Variants in UGDH observed in about 807,000 individuals in gnomAD.
The protein encoded by UGDH is UDP-glucose 6-dehydrogenase, also known as UDP-Glc dehydrogenase.
UGDH carries 38 observed loss-of-function variants against 50.6 expected under a neutral mutation model. The observed-to-expected ratio is 0.75, with a 90% CI of 0.58 to 0.98. UGDH has a LOEUF of 0.98. Among genes scored for constraint, UGDH ranks in the 50% least tolerant of loss-of-function variants. The pLI is 0.00. For missense variants in UGDH, 465 were observed against 606.2 expected (o/e 0.77, Z 2.45); for synonymous variants, 168 against 199.9 (o/e 0.84, Z 1.35).
chr4:39,502,695 A>G (rs879541883), intron 11 of UGDH, among the ~76,000 whole-genome samples: 8 of 152,098 alleles, frequency 5.3e-5, no homozygotes, highest in Non-Finnish European at 1.5e-5. Context: ...CTACAAAAAC[A>G]CTGTTCTGGG....
In UGDH at chr4:39,510,819, C is replaced by T; in HGVS notation, c.307G>A (p.Ala103Thr). Reference protein sequence around the residue: ...TKTYGMGKGRAADLKYIEACA... With the variant: ...TKTYGMGKGRTADLKYIEACA... The stretch of plus-strand genomic sequence containing the variant: ...GCTTCAATATACTTCAGATCTGCTG[C>T]CCGGCCTTTCCCCATTCCATAGGTT... The change falls in exon 4 of 12, where the codon GCA (alanine) becomes ACA (threonine). Residue 103 changes from alanine (A) to threonine (T), a missense_variant. Coordinates refer to ENST00000316423, the MANE Select transcript of UGDH (RefSeq NM_003359.4). The T allele has an allele frequency of 6.2e-7, 1 of 1,614,180 alleles. No homozygotes were observed. Among genetic ancestry groups the T allele is most frequent in the African/African-American group, 1.3e-5 (1 of 75,044 alleles).
chr4:39,503,084 T>A (rs879398499), intron 11 of UGDH, among the ~76,000 whole-genome samples: 1 of 152,092 alleles, frequency 6.6e-6, no homozygotes, highest in Non-Finnish European at 1.5e-5. Flanking sequence ...ACCCAGCTAA[T>A]TTTTGTATTT....
At position 39,523,819 on chromosome 4, in the gene UGDH, A is replaced by AT. The variant is rs1289435735; in HGVS notation, c.-7-2301_-7-2300insA. Among the ~76,000 whole-genome samples the AT allele has an allele frequency of 3.9e-5, 6 of 152,090 alleles. No homozygotes were observed. The East Asian group carries it at 9.6e-4, about 24-fold the overall frequency. ...GAAACTCCATCTCAAAAAAAAAAAA[A>AT]AAAATTATTGATTCTGAATAATGTT... On this transcript the variant is annotated intron_variant, in intron 1 of 11. Coordinates refer to ENST00000316423, the MANE Select transcript of UGDH (RefSeq NM_003359.4).
rs1482143150 is a variant in UGDH at position 39,504,459 on chromosome 4, A to G, written c.1221T>C (p.Gly407=). 1 of 1,614,034 alleles carries G rather than the reference A, an allele frequency of 6.2e-7. No homozygotes were observed. The highest frequency in any genetic ancestry group is 8.5e-7 in the Non-Finnish European group (1 of 1,180,026). ...ISKDPYEACD[G]AHAVVICTEW... Reference sequence around the variant, plus strand: ...CAGTGCAAATAACAACAGCATGGGCACCATCACATGCTTCATATGGATCCT... The same window carrying G: ...CAGTGCAAATAACAACAGCATGGGCGCCATCACATGCTTCATATGGATCCT... The change falls in exon 10 of 12, where the codon GGT becomes GGC. Residue 407 remains glycine, a synonymous_variant. Transcript: ENST00000316423.
chr4:39,509,680 T>G, intron 6 of UGDH, 80 bp downstream of exon 6: 1 of 1,477,050 alleles, frequency 6.8e-7, no homozygotes, highest in Non-Finnish European at 9.1e-7. Flanking sequence ...ATGAGATATA[T>G]AAAGCGCTGG....
rs144498706 is a variant in UGDH, at chr4:39,503,664, T to C, written c.1374+211A>G. Among the ~76,000 whole-genome samples, 40 of 152,340 alleles carry C rather than the reference T, an allele frequency of 2.6e-4. 2 individuals are homozygous for C. The South Asian group carries it at 2.9e-3, about 11-fold the overall frequency. On this transcript the variant is annotated intron_variant, in intron 11 of 11. Transcript: ENST00000316423. ...ATGGGTTTAAAAAGCAAATGAGCAC[T>C]TTCCTAATTGTTGAAATAAACTTCT...
intron 7 of UGDH, among the ~76,000 whole-genome samples, chr4:39,506,051 C>T (rs542379802): frequency 4.2e-4 from 64 of 151,546 alleles, no homozygotes; most frequent in Non-Finnish European, 7.7e-4. Context: ...GGCACCACGG[C>T]GAGACCCTGT....
Position 39,510,677 on chromosome 4 carries a change from G to T in UGDH, c.449C>A (p.Pro150His). ...TTTTTATACCTGTAAATTCAAGTTGGGTTTTGTGTTTGCATCAAATATGCG... is the reference window on the plus strand; with the variant it reads ...TTTTTATACCTGTAAATTCAAGTTGTGTTTTGTGTTTGCATCAAATATGCG... ...IRRIFDANTK[P>H]NLNLQVLSNP... The change falls in exon 4 of 12, where the codon CCC becomes CAC. Residue 150 changes from proline (P) to histidine (H), a missense_variant. Pro to His is a moderately conservative substitution (Grantham distance 77). Coordinates refer to ENST00000316423, the MANE Select transcript of UGDH (RefSeq NM_003359.4). 6.2e-7 allele frequency: 1 copy of T among 1,614,198 alleles called. No homozygotes were observed. Among genetic ancestry groups the T allele is most frequent in the Non-Finnish European group, 8.5e-7 (1 of 1,180,032 alleles).
intron 7 of UGDH, among the ~76,000 whole-genome samples, chr4:39,508,130 T>A (rs1282194304): frequency 1.3e-5 from 2 of 152,162 alleles, no homozygotes; most frequent in African/African-American, 2.4e-5. Flanking sequence ...TATACTAATT[T>A]TTGACTTCCT....
intron 3 of UGDH, among the ~76,000 whole-genome samples, chr4:39,512,819 ATTT>A (rs386399849): frequency 6.1e-4 from 83 of 135,840 alleles, no homozygotes; most frequent in African/African-American, 1.4e-3. Flanking sequence ...AAGAGACTGA[ATTT>A]TTTTTTTTTT....
chr4:39,526,034 C>A (rs1205222980), intron 1 of UGDH, among the ~76,000 whole-genome samples: 2 of 152,150 alleles, frequency 1.3e-5, no homozygotes, highest in Non-Finnish European at 2.9e-5. Flanking sequence ...ATAACAAATG[C>A]CCTACTACAA....
intron 3 of UGDH, among the ~76,000 whole-genome samples, chr4:39,513,854 C>T (rs1406581907): frequency 1.3e-5 from 2 of 152,150 alleles, no homozygotes; most frequent in Non-Finnish European, 2.9e-5. Flanking sequence ...TTCTAAATCT[C>T]AAATTAGAAC....
chr4:39,509,818 T>A lies in UGDH; in HGVS notation c.753A>T (p.Val251=). 1 of 1,613,664 alleles carries A rather than the reference T, an allele frequency of 6.2e-7. No homozygotes were observed. Among genetic ancestry groups the A allele is most frequent in the South Asian group, 1.1e-5 (1 of 91,030 alleles). ...TCTGGTCCATTCCAATCGCTGTTGC[T>A]ACCTCTTCTACATCAGCTCCTGTTG... The part of the protein sequence containing the change: ...CEATGADVEE[V]ATAIGMDQRI... Residue 251 remains valine (V), a synonymous_variant, in exon 6 of 12, where the codon GTA becomes GTT. Coordinates refer to ENST00000316423, the MANE Select transcript of UGDH (RefSeq NM_003359.4).
In UGDH at chr4:39,512,025, G is replaced by GAA. The variant is rs369507361; in HGVS notation, c.265-1166_265-1165dup. Among the ~76,000 whole-genome samples, 1,292 of 136,850 alleles carry GAA rather than the reference G, an allele frequency of 9.4e-3. 8 individuals are homozygous for GAA. Among genetic ancestry groups the GAA allele is most frequent in the South Asian group, 0.029 (127 of 4,322 alleles). 89.8% of individuals were successfully genotyped at this position (136,850 alleles called of 152,430 possible). A position where few individuals can be genotyped will look rare whatever the true frequency, so the allele number is the denominator to read the frequency against. Reference sequence around the variant, plus strand: ...GCCAATGGGCGAAGACTTTCATTTAGAAAAAAAAAAAAAAAATCATGGGCC... The same window carrying GAA: ...GCCAATGGGCGAAGACTTTCATTTAGAAAAAAAAAAAAAAAAAATCATGGGCC... On this transcript the variant is annotated intron_variant, in intron 3 of 11. Transcript: ENST00000316423.
chr4:39,509,720 A>T, intron 6 of UGDH, 40 bp downstream of exon 6: 2 of 1,584,394 alleles, frequency 1.3e-6, no homozygotes, highest in Non-Finnish European at 1.7e-6. Flanking sequence ...TTCAGTAAAT[A>T]AACACTAGCT....
At chr4:39,510,616 T>C in intron 4 of UGDH, 45 bp downstream of exon 4, 1 of 1,614,082 alleles carries the variant, frequency 6.2e-7, no homozygotes, top group Non-Finnish European at 8.5e-7. Flanking sequence ...AACACATCAG[T>C]ATTTACATAA....
Position 39,510,365 on chromosome 4 carries a change from C to T in UGDH, c.651G>A (p.Glu217=), listed in dbSNP as rs1578269761. 1 of 1,614,044 alleles carries T rather than the reference C, an allele frequency of 6.2e-7. No homozygotes were observed. The highest frequency in any genetic ancestry group is 8.5e-7 in the Non-Finnish European group (1 of 1,180,040). The change falls in exon 5 of 12, where the codon GAG becomes GAA. Residue 217 remains glutamate (E), a synonymous_variant. Transcript: ENST00000316423. ...GCTATATACTAACCAGTTTGGAAAG[C>T]TCTGAAGACCAAGTATTAGTGGTGA... The part of the protein sequence containing the change: ...KILTTNTWSS[E]LSKLAANAFL...
intron 9 of UGDH, among the ~76,000 whole-genome samples, chr4:39,504,969 G>C (rs1030801551): frequency 1.3e-5 from 2 of 152,146 alleles, no homozygotes; most frequent in African/African-American, 2.4e-5. Context: ...AGTGATGGTG[G>C]GAGGCCCCAA....
chr4:39,516,111 T>C (rs569186193), intron 2 of UGDH, among the ~76,000 whole-genome samples: 5 of 152,262 alleles, frequency 3.3e-5, no homozygotes, highest in African/African-American at 1.2e-4. Flanking sequence ...CGAAACCCCA[T>C]TTCTACTAAA....
Sources: gnomAD v4.1 joint callset for allele counts (sites outside exome capture counted in the v4.1 genomes callset) on GRCh38, gnomAD v4.1.1 for gene constraint, MANE v1.5 for transcripts, NCBI Gene and HGNC (gene_info 2026-07-23, HGNC 2026-07-21) for gene names.